RBCK1: variants seen among roughly 807,000 people sequenced by gnomAD.
RBCK1 encodes ranBP-type and C3HC4-type zinc finger-containing protein 1.
A neutral mutation model predicts 71.1 loss-of-function variants in RBCK1; 44 were observed. The observed-to-expected ratio is 0.62, with a 90% CI of 0.49 to 0.80. The LOEUF is 0.80. Ranked by LOEUF, RBCK1 falls within the 30% of genes least tolerant of loss-of-function variation. RBCK1 has a pLI of 0.00. For missense variants in RBCK1, 569 were observed against 685.0 expected (o/e 0.83, Z 1.89); for synonymous variants, 306 against 279.7 (o/e 1.09, Z -0.94).
Position 417,366 on chromosome 20 carries a change from C to T in RBCK1, c.168-160C>T, listed in dbSNP as rs370427697. On this transcript the variant is annotated intron_variant, in intron 2 of 11. Transcript: ENST00000356286. The surrounding 1 kb of genome is among the most constrained non-coding windows in gnomAD (Gnocchi z 4.7). ...TGGTGGGTTCTAATAAAGGAAGAAGCATGGGTGGGGCCTACCCCAGACTGG... is the reference window on the plus strand; with the variant it reads ...TGGTGGGTTCTAATAAAGGAAGAAGTATGGGTGGGGCCTACCCCAGACTGG... 7.9e-6 allele frequency: 6 copies of T among 760,450 alleles called. No homozygotes were observed. Among genetic ancestry groups the T allele is most frequent in the African/African-American group, 5.1e-5 (3 of 58,534 alleles). The allele number at this position is 760,450 out of a possible 1,614,324, so 47.1% of individuals were successfully genotyped here.
intron 6 of RBCK1, chr20:420,422 G>C (rs1351663219): frequency 1.0e-6 from 1 of 982,892 alleles, no homozygotes; most frequent in Non-Finnish European, 1.2e-6. Flanking sequence ...TCCTGTTCCC[G>C]TCTCAGCTCC....
rs1223024698 is a variant in RBCK1 at position 430,105 on chromosome 20, T to C, written c.1453-245T>C. Among the ~76,000 whole-genome samples, 1 of 152,226 alleles carries C rather than the reference T, an allele frequency of 6.6e-6. No individual in the cohort carries two copies. Among genetic ancestry groups the C allele is most frequent in the Non-Finnish European group, 1.5e-5 (1 of 68,040 alleles). Reference sequence around the variant, plus strand: ...GAAACTGCCCTCTCGCATGCTGACATGTCTAGAATATGCAGAGTGGTCAGA... The same window carrying C: ...GAAACTGCCCTCTCGCATGCTGACACGTCTAGAATATGCAGAGTGGTCAGA... On this transcript the variant is annotated intron_variant, in intron 11 of 11. Transcript: ENST00000356286. This position sits in a 1 kb window ranked among gnomAD's most constrained non-coding sequence, Gnocchi z 5.6.
Position 419,674 on chromosome 20 carries a change from CGAG to C in RBCK1, c.706_708del (p.Glu236del). 1.3e-6 allele frequency: 2 copies of C among 1,578,606 alleles called. No homozygotes were observed. The highest frequency in any genetic ancestry group is 2.3e-5 in the East Asian group (1 of 43,064). On this transcript the variant is annotated inframe_deletion, in exon 6 of 12. Transcript: ENST00000356286. ...AGGTCCCCGCCTCATACCAGCCCGA[CGAG>C]GAGGAGCGAGCGCGCCTGGCGGGCG...
In RBCK1 at chr20:422,397, T is replaced by G. The variant is rs2016492307; in HGVS notation, c.1029+159T>G. Among the ~76,000 whole-genome samples the G allele has an allele frequency of 6.6e-6, 1 of 151,824 alleles. No individual in the cohort carries two copies. Among genetic ancestry groups the G allele is most frequent in the Non-Finnish European group, 1.5e-5 (1 of 67,964 alleles). Reference sequence around the variant, plus strand: ...GTCTCAAACTCCTGGGCTTAAGCGATCATTCATCCTCAGCCCCCCAGACAT... The same window carrying G: ...GTCTCAAACTCCTGGGCTTAAGCGAGCATTCATCCTCAGCCCCCCAGACAT... On this transcript the variant is annotated intron_variant, in intron 8 of 11. Transcript: ENST00000356286. This position sits in a 1 kb window ranked among gnomAD's most constrained non-coding sequence, Gnocchi z 5.0.
intron 1 of RBCK1, among the ~76,000 whole-genome samples, chr20:409,247 A>C (rs2015552054): frequency 6.6e-6 from 1 of 151,926 alleles, no homozygotes; most frequent in Admixed American, 6.5e-5. Flanking sequence ...CGCCATGCTC[A>C]CTCTACTGGA....
Position 417,924 on chromosome 20 carries a change from C to T in RBCK1, c.454C>T (p.Leu152=). Residue 152 remains leucine, a synonymous_variant, in exon 4 of 12, where the codon CTG becomes TTG. Transcript: ENST00000356286. The surrounding 1 kb of genome is among the most constrained non-coding windows in gnomAD (Gnocchi z 4.7). ...ELQRERQLRM[L]EDLGFKDLTL... ...GCAGCGGGAGCGGCAGCTGCGGATG[C>T]TGGAAGGTGAGGCTCTGCCCTGAGC... 5 of 1,605,960 alleles carry T rather than the reference C, an allele frequency of 3.1e-6. No homozygotes were observed. Among genetic ancestry groups the T allele is most frequent in the Non-Finnish European group, 4.2e-6 (5 of 1,179,746 alleles).
chr20:424,719 TCCACC>T (rs2016613673), intron 8 of RBCK1, among the ~76,000 whole-genome samples: 1 of 151,944 alleles, frequency 6.6e-6, no homozygotes, highest in African/African-American at 2.4e-5. Context: ...CCCTGTGGAG[TCCACC>T]CCAGCCAAGG....
In RBCK1 at chr20:419,672, G is replaced by C. The variant is rs1056596650; in HGVS notation, c.697G>C (p.Asp233His). 1 of 1,580,820 alleles carries C rather than the reference G, an allele frequency of 6.3e-7. No individual in the cohort carries two copies. Among genetic ancestry groups the C allele is most frequent in the Admixed American group, 1.8e-5 (1 of 56,080 alleles). Residue 233 changes from aspartate (D) to histidine (H), a missense_variant, in exon 6 of 12, where the codon GAC becomes CAC. Physicochemically the swap from Asp to His is moderately conservative, Grantham distance 81. Around this residue, in one of 2 missense-constraint regions of RBCK1, gnomAD observed 358 missense variants for 375.6 expected, o/e 0.95. Coordinates refer to ENST00000356286, the MANE Select transcript of RBCK1 (RefSeq NM_031229.4). ...CCAGGTCCCCGCCTCATACCAGCCC[G>C]ACGAGGAGGAGCGAGCGCGCCTGGC... ...AYQVPASYQP[D>H]EEERARLAGE...
chr20:408,670 C>T lies in RBCK1; in HGVS notation c.-88C>T. 1 of 1,557,638 alleles carries T rather than the reference C, an allele frequency of 6.4e-7. No homozygotes were observed. Among genetic ancestry groups the T allele is most frequent in the South Asian group, 1.2e-5 (1 of 85,496 alleles). ...GCCACACGGCCTGGCTGAGTTGCTC[C>T]TGGTCTCCCGCCTCTCCCAGGCGAC... On this transcript the variant is annotated 5_prime_UTR_variant, in exon 1 of 12. Transcript: ENST00000356286.
intron 4 of RBCK1, among the ~76,000 whole-genome samples, chr20:418,173 C>A (rs1303235995): frequency 2.6e-5 from 4 of 152,184 alleles, no homozygotes; most frequent in Admixed American, 2.6e-4. Flanking sequence ...AGCTGTGTGA[C>A]CTTGGGCAAG....
intron 2 of RBCK1, among the ~76,000 whole-genome samples, chr20:413,653 T>C (rs1239750621): frequency 6.6e-6 from 1 of 152,034 alleles, no homozygotes; most frequent in Non-Finnish European, 1.5e-5. Flanking sequence ...GACCACAACA[T>C]GGGGGGAATC....
intron 8 of RBCK1, among the ~76,000 whole-genome samples, chr20:426,102 G>A (rs1448022367): frequency 2.0e-5 from 3 of 152,172 alleles, no homozygotes; most frequent in African/African-American, 4.8e-5. Context: ...CATAGTTGGT[G>A]TATATATTTC....
intron 2 of RBCK1, among the ~76,000 whole-genome samples, chr20:415,753 C>A (rs1449436709): frequency 5.3e-5 from 8 of 152,166 alleles, no homozygotes; most frequent in Non-Finnish European, 1.5e-5. Flanking sequence ...GTTTAATTGA[C>A]TCAGTTCTGC....
Position 427,409 on chromosome 20 carries a change from T to G in RBCK1, c.1126T>G (p.Cys376Gly). The change falls in exon 9 of 12, where the codon TGC (cysteine) becomes GGC (glycine). Residue 376 changes from cysteine (C) to glycine (G), a missense_variant. By Grantham distance (159) the Cys-to-Gly change is radical. Transcript: ENST00000356286. ...CAGCTACCATTGCAAGACCCCAGAT[T>G]GCAAGGGATGGTGCTTCTTTGAGGA... is the stretch of plus-strand genomic sequence containing the variant. ...AFSYHCKTPD[C>G]KGWCFFEDDV... The G allele has an allele frequency of 6.2e-7, 1 of 1,614,150 alleles. No individual in the cohort carries two copies. The highest frequency in any genetic ancestry group is 1.3e-5 in the African/African-American group (1 of 75,026).
Position 417,679 on chromosome 20 carries a change from C to T in RBCK1, c.262-53C>T. ...AGGCTCTCCCTTTCACTCCTGCTTC[C>T]TCTCTCTCCTCTGGCCCTCCCTTCC... is the stretch of plus-strand genomic sequence containing the variant. On this transcript the variant is annotated intron_variant, in intron 3 of 11. Coordinates refer to ENST00000356286, the MANE Select transcript of RBCK1 (RefSeq NM_031229.4). This position sits in a 1 kb window ranked among gnomAD's most constrained non-coding sequence, Gnocchi z 4.7. 1.2e-6 allele frequency: 2 copies of T among 1,603,746 alleles called. No individual in the cohort carries two copies. Among genetic ancestry groups the T allele is most frequent in the East Asian group, 2.2e-5 (1 of 44,606 alleles).
intron 2 of RBCK1, among the ~76,000 whole-genome samples, chr20:414,103 A>T (rs2122202112): frequency 6.6e-6 from 1 of 151,846 alleles, no homozygotes; most frequent in Admixed American, 6.6e-5. Flanking sequence ...AAAAAAAAAA[A>T]GAAAAATCCC....
chr20:416,268 G>A (rs1162528569), intron 2 of RBCK1, among the ~76,000 whole-genome samples: 2 of 150,022 alleles, frequency 1.3e-5, no homozygotes, highest in Non-Finnish European at 2.9e-5. Flanking sequence ...CCATTCTCCT[G>A]CCTCAATCTC....
At position 428,648 on chromosome 20, in the gene RBCK1, C is replaced by G; in HGVS notation, c.1308+59C>G. On this transcript the variant is annotated intron_variant, in intron 10 of 11. Transcript: ENST00000356286. This position sits in a 1 kb window ranked among gnomAD's most constrained non-coding sequence, Gnocchi z 5.7. The stretch of plus-strand genomic sequence containing the variant: ...TTAAGTTCTGGGATCCAGGTGGGGG[C>G]TGGGGGCTTCCCAGTAAGGGCTGTG... The G allele has an allele frequency of 6.6e-7, 1 of 1,506,590 alleles. No individual in the cohort carries two copies. Among genetic ancestry groups the G allele is most frequent in the Non-Finnish European group, 8.9e-7 (1 of 1,118,460 alleles). The allele number at this position is 1,506,590 out of a possible 1,614,324, so 93.3% of individuals were successfully genotyped here.
intron 8 of RBCK1, among the ~76,000 whole-genome samples, chr20:425,623 A>ATTTTT (rs200677519): frequency 0.033 from 4,210 of 129,124 alleles, 112 homozygotes; most frequent in African/African-American, 0.052. Context: ...TGCATGGTGT[A>ATTTTT]TTCTTTTTTT....
Sources: gnomAD v4.1 joint callset for allele counts (sites outside exome capture counted in the v4.1 genomes callset) on GRCh38, gnomAD v4.1.1 for gene constraint, gnomAD v4.1.1 regional missense constraint, Gnocchi (gnomAD v3.1) non-coding constraint, MANE v1.5 for transcripts, NCBI Gene and HGNC (gene_info 2026-07-23, HGNC 2026-07-21) for gene names.